The following PRKG1 variants were observed in gnomAD, a reference collection of about 807,000 sequenced individuals.
PRKG1 encodes the protein protein kinase cGMP-dependent 1.
PRKG1 carries 35 observed loss-of-function variants against 88.1 expected under a neutral mutation model. That is an observed-to-expected ratio of 0.40 (90% CI 0.30 to 0.53). The LOEUF (loss-of-function observed/expected upper bound fraction) is 0.53, where lower values mean the gene tolerates loss of function less well. Ranked by LOEUF, PRKG1 falls within the 20% of genes least tolerant of loss-of-function variation. The pLI is 0.59. For synonymous variants in PRKG1, 303 were observed against 292.5 expected (o/e 1.04, Z -0.37); for missense variants, 540 against 839.8 (o/e 0.64, Z 4.41).
chr10:51,490,621 CTATT>C (rs1355351651), intron 3 of PRKG1, among the ~76,000 whole-genome samples: 2 of 152,082 alleles, frequency 1.3e-5, no homozygotes, highest in African/African-American at 2.4e-5. Flanking sequence ...GGAGCTGAGA[CTATT>C]TGAGCTTCAG....
chr10:51,873,671 G>T (rs1434707334), intron 4 of PRKG1, among the ~76,000 whole-genome samples: 1 of 151,812 alleles, frequency 6.6e-6, no homozygotes, highest in African/African-American at 2.4e-5. Flanking sequence ...GGGATTACAG[G>T]TACGTGCCAC....
intron 1 of PRKG1, among the ~76,000 whole-genome samples, chr10:51,002,799 A>G (rs1470032619): frequency 2.0e-5 from 3 of 152,162 alleles, no homozygotes; most frequent in African/African-American, 7.2e-5. Flanking sequence ...TGGTAAAAGG[A>G]AGTTGTACTC....
intron 2 of PRKG1, among the ~76,000 whole-genome samples, chr10:51,405,338 C>G (rs551960176): frequency 2.6e-5 from 4 of 152,182 alleles, no homozygotes; most frequent in Admixed American, 6.5e-5. Flanking sequence ...GAGGCCTTTT[C>G]TTCCTTTAAC....
At chr10:51,222,986 AT>A (rs780760233) in intron 2 of PRKG1, among the ~76,000 whole-genome samples, 1 of 150,018 alleles carries the variant, frequency 6.7e-6, no homozygotes, top group Non-Finnish European at 1.5e-5. Context: ...CATCACTGTA[AT>A]TTGTTACTCA....
intron 5 of PRKG1, chr10:51,909,940 A>C (rs1433259033): frequency 6.6e-6 from 1 of 152,246 alleles, no homozygotes; most frequent in Non-Finnish European, 1.5e-5. Flanking sequence ...TTGAGTAAGC[A>C]CAAGAGAATA....
At chr10:51,372,744 A>G (rs1842730128) in intron 2 of PRKG1, among the ~76,000 whole-genome samples, 1 of 152,138 alleles carries the variant, frequency 6.6e-6, no homozygotes, top group African/African-American at 2.4e-5. Flanking sequence ...ACAAATTGAG[A>G]TATAATTTTA....
At chr10:51,477,823 CTG>C (rs1261805120) in intron 3 of PRKG1, among the ~76,000 whole-genome samples, 1 of 151,992 alleles carries the variant, frequency 6.6e-6, no homozygotes, top group Non-Finnish European at 1.5e-5. Context: ...GATCCAGAGA[CTG>C]GAGGTCCTGG....
intron 3 of PRKG1, among the ~76,000 whole-genome samples, chr10:51,685,096 A>G (rs1016290592): frequency 6.6e-6 from 1 of 152,144 alleles, no homozygotes; most frequent in African/African-American, 2.4e-5. Flanking sequence ...ACCTGTAATG[A>G]CCTTCATCAC....
intron 5 of PRKG1, among the ~76,000 whole-genome samples, chr10:51,950,919 G>A (rs1381552766): frequency 1.3e-5 from 2 of 152,252 alleles, no homozygotes; most frequent in Non-Finnish European, 2.9e-5. Flanking sequence ...TTTCTGCAGA[G>A]AGCGGACGTG....
chr10:51,931,144 T>C (rs1001874876), intron 5 of PRKG1, among the ~76,000 whole-genome samples: 2 of 152,186 alleles, frequency 1.3e-5, no homozygotes, highest in Non-Finnish European at 2.9e-5. Context: ...ATTATGGAAC[T>C]GAATATTCAA....
intron 4 of PRKG1, among the ~76,000 whole-genome samples, chr10:51,893,934 A>C (rs2132913820): frequency 6.6e-6 from 1 of 152,200 alleles, no homozygotes; most frequent in East Asian, 1.9e-4. Flanking sequence ...TATATTAGAG[A>C]GGAGACAAAT....
At chr10:51,327,950 A>C (rs1229477337) in intron 2 of PRKG1, among the ~76,000 whole-genome samples, 1 of 152,232 alleles carries the variant, frequency 6.6e-6, no homozygotes, top group African/African-American at 2.4e-5. Flanking sequence ...TACCATATGC[A>C]TTACCACAGG....
intron 3 of PRKG1, among the ~76,000 whole-genome samples, chr10:51,745,526 C>T (rs1014176605): frequency 6.6e-6 from 1 of 152,090 alleles, no homozygotes; most frequent in Non-Finnish European, 1.5e-5. Context: ...ATCTCTGGAA[C>T]TCTTCCTATG....
At chr10:51,972,249 A>G (rs1234718985) in intron 5 of PRKG1, among the ~76,000 whole-genome samples, 1 of 152,178 alleles carries the variant, frequency 6.6e-6, no homozygotes, top group Non-Finnish European at 1.5e-5. Context: ...CTTTTTGCAC[A>G]TCTTATATTT....
chr10:51,406,865 A>G (rs779343432), intron 2 of PRKG1, among the ~76,000 whole-genome samples: 13 of 152,196 alleles, frequency 8.5e-5, no homozygotes, highest in Non-Finnish European at 1.6e-4. Flanking sequence ...TTTATTAAGT[A>G]TTAACTCACA....
intron 5 of PRKG1, among the ~76,000 whole-genome samples, chr10:51,946,334 T>C (rs1174310716): frequency 4.6e-5 from 7 of 152,028 alleles, no homozygotes; most frequent in Non-Finnish European, 1.0e-4. Flanking sequence ...CACTTCTCTG[T>C]GTTGTTTATT....
At chr10:52,136,628 G>C (rs1837430996) in intron 8 of PRKG1, among the ~76,000 whole-genome samples, 1 of 152,000 alleles carries the variant, frequency 6.6e-6, no homozygotes, top group Non-Finnish European at 1.5e-5. Flanking sequence ...CTGAGTCTCA[G>C]TTTTCCTGTC....
chr10:51,760,975 T>G (rs763621889), intron 3 of PRKG1, among the ~76,000 whole-genome samples: 1 of 151,956 alleles, frequency 6.6e-6, no homozygotes, highest in Non-Finnish European at 1.5e-5. Context: ...ATTAGCCCAG[T>G]CTGGTGTGCA....
intron 9 of PRKG1, among the ~76,000 whole-genome samples, chr10:52,200,372 G>A (rs61847308): frequency 2.0e-5 from 3 of 152,172 alleles, no homozygotes; most frequent in Middle Eastern, 3.4e-3. Flanking sequence ...TATCTTTGCT[G>A]TTGCAAAGGA....
Sources: allele counts gnomAD v4.1 joint callset (sites outside exome capture counted in the v4.1 genomes callset), GRCh38; gene constraint gnomAD v4.1.1; transcripts MANE v1.5; gene names NCBI Gene and HGNC (gene_info 2026-07-23, HGNC 2026-07-21).